The following ABTB2 variants were observed in gnomAD, a reference collection of about 807,000 sequenced individuals.
The protein encoded by ABTB2 is ankyrin repeat and BTB/POZ domain-containing protein 2.
ABTB2 carries 56 observed loss-of-function variants against 104.1 expected under a neutral mutation model. That is an observed-to-expected ratio of 0.54 (90% CI 0.43 to 0.67). The LOEUF (loss-of-function observed/expected upper bound fraction) is 0.67. Among genes scored for constraint, ABTB2 ranks in the 30% least tolerant of loss-of-function variants. The pLI is 0.00. For synonymous variants in ABTB2, 606 were observed against 608.2 expected, an observed-to-expected ratio of 1.00 and a Z score of 0.05; for missense variants, 1,279 against 1,407.7, an observed-to-expected ratio of 0.91 and a Z score of 1.46.
intron 1 of ABTB2, among the ~76,000 whole-genome samples, chr11:34,218,799 T>C (rs1014073460): frequency 7.5e-6 from 1 of 133,048 alleles, no homozygotes; most frequent in Admixed American, 9.4e-5. Context: ...TGAGCCAAGA[T>C]TGCACCATTG....
At position 34,357,270 on chromosome 11, in the gene ABTB2, G is replaced by A. The variant is rs1378155707; in HGVS notation, c.314C>T (p.Ala105Val). 2.0e-6 allele frequency: 3 copies of A among 1,498,430 alleles called. No individual in the cohort carries two copies. Among genetic ancestry groups the A allele is most frequent in the East Asian group, 5.0e-5 (2 of 39,668 alleles). 92.8% of individuals were successfully genotyped at this position (1,498,430 alleles called of 1,614,324 possible). A position where few individuals can be genotyped will look rare whatever the true frequency, so the allele number is the denominator to read the frequency against. ...GCCAGCGCCTTTGCGGAGCACCCGG[G>A]CCACGTCTCCTTCGGTCCAGGGGAA... Reference protein sequence around the residue: ...EEFPWTEGDVARVLRKGAGGR... With the variant: ...EEFPWTEGDVVRVLRKGAGGR... Residue 105 changes from alanine to valine, a missense_variant, in exon 1 of 17, where the codon GCC becomes GTC. Transcript: ENST00000435224.
chr11:34,276,130 G>A (rs1233443836), intron 1 of ABTB2, among the ~76,000 whole-genome samples: 1 of 151,968 alleles, frequency 6.6e-6, no homozygotes, highest in Non-Finnish European at 1.5e-5. Context: ...TTCTTAGGGG[G>A]GACTTCTAAT....
At chr11:34,253,239 A>C (rs1176199490) in intron 1 of ABTB2, among the ~76,000 whole-genome samples, 2 of 152,096 alleles carry the variant, frequency 1.3e-5, no homozygotes, top group African/African-American at 4.8e-5. Context: ...CAGAAGACAC[A>C]CTAGAGGCCT....
chr11:34,337,374 A>C (rs955175671), intron 1 of ABTB2, among the ~76,000 whole-genome samples: 7 of 152,210 alleles, frequency 4.6e-5, no homozygotes, highest in African/African-American at 1.2e-4. Flanking sequence ...GGGAAATAAC[A>C]AGGTTCTCAA....
chr11:34,226,097 G>A (rs1167581570), intron 1 of ABTB2, among the ~76,000 whole-genome samples: 2 of 151,566 alleles, frequency 1.3e-5, no homozygotes, highest in African/African-American at 4.9e-5. Context: ...AGATACTTGG[G>A]AGGCTGAGGT....
At chr11:34,298,401 T>A (rs759557118) in intron 1 of ABTB2, among the ~76,000 whole-genome samples, 1 of 150,028 alleles carries the variant, frequency 6.7e-6, no homozygotes, top group Non-Finnish European at 1.5e-5. Flanking sequence ...GGGTGAGGAA[T>A]GATCTTGTTT....
intron 1 of ABTB2, among the ~76,000 whole-genome samples, chr11:34,307,460 G>T (rs560218074): frequency 6.6e-6 from 1 of 152,190 alleles, no homozygotes; most frequent in Non-Finnish European, 1.5e-5. Context: ...CCAGCACTGA[G>T]CTCTTCAGCA....
At chr11:34,246,208 T>C (rs1260430724) in intron 1 of ABTB2, among the ~76,000 whole-genome samples, 1 of 152,238 alleles carries the variant, frequency 6.6e-6, no homozygotes, top group Non-Finnish European at 1.5e-5. Context: ...CAGGCAATTC[T>C]GTGGGTTTCC....
intron 12 of ABTB2, 55 bp from the exon 13 acceptor site, chr11:34,160,063 TG>T (rs1852687258): frequency 6.8e-7 from 1 of 1,464,140 alleles, no homozygotes; most frequent in African/African-American, 1.4e-5. Flanking sequence ...TGCTGGGGTT[TG>T]CTTGAGTGTG....
At chr11:34,173,905 C>T (rs1852922981) in intron 3 of ABTB2, among the ~76,000 whole-genome samples, 1 of 152,152 alleles carries the variant, frequency 6.6e-6, no homozygotes, top group African/African-American at 2.4e-5. Context: ...TGTCATGAGG[C>T]CAAATGGGAT....
intron 1 of ABTB2, among the ~76,000 whole-genome samples, chr11:34,230,118 C>T (rs1357894261): frequency 6.6e-6 from 1 of 152,202 alleles, no homozygotes; most frequent in Non-Finnish European, 1.5e-5. Context: ...GGAGGTGGCA[C>T]ACGCACTCAG....
Position 34,167,501 on chromosome 11 carries a change from CAA to C in ABTB2, c.1654-143_1654-142del, listed in dbSNP as rs538772795. 545 of 752,984 alleles carry C rather than the reference CAA, an allele frequency of 7.2e-4. 3 individuals carry two copies. The highest frequency in any genetic ancestry group is 3.0e-3 in the East Asian group (109 of 36,210). The allele number at this position is 752,984 out of a possible 1,614,324, so 46.6% of individuals were successfully genotyped here. On this transcript the variant is annotated intron_variant, in intron 6 of 16. Coordinates refer to ENST00000435224, the MANE Select transcript of ABTB2 (RefSeq NM_145804.3). Reference sequence around the variant, plus strand: ...CCTGGAGCACAAAGTGGACAAGGCTCAAAAAGAGAGGATAGGTATTTAATTAG... The same window carrying C: ...CCTGGAGCACAAAGTGGACAAGGCTCAAAGAGAGGATAGGTATTTAATTAG...
chr11:34,342,221 C>T (rs7928840), intron 1 of ABTB2, among the ~76,000 whole-genome samples: 15 of 152,282 alleles, frequency 9.9e-5, no homozygotes, highest in African/African-American at 2.4e-4. Context: ...GTGCTTCATA[C>T]GGTATTATCT....
At chr11:34,254,829 A>T (rs890037513) in intron 1 of ABTB2, among the ~76,000 whole-genome samples, 12 of 151,692 alleles carry the variant, frequency 7.9e-5, no homozygotes, top group Admixed American at 2.0e-4. Flanking sequence ...TTGCCACCAC[A>T]CCTGGCTAAT....
Position 34,154,667 on chromosome 11 carries a change from A to G in ABTB2, c.2766+34T>C, listed in dbSNP as rs2957525. The G allele has an allele frequency of 1, 1,610,560 of 1,611,524 alleles. 804,807 individuals are homozygous for G. Among genetic ancestry groups the G allele is most frequent in the East Asian group, 1 (44,846 of 44,846 alleles). On this transcript the variant is annotated intron_variant, in intron 15 of 16. Coordinates refer to ENST00000435224, the MANE Select transcript of ABTB2 (RefSeq NM_145804.3). The surrounding 1 kb of genome is among the most constrained non-coding windows in gnomAD (Gnocchi z 4.9). ...GGGAGACCGAGCCGCTGGGCACCCTAGCCCAGGCCCCCTCCCCCTCTCCCG... is the reference window on the plus strand; with the variant it reads ...GGGAGACCGAGCCGCTGGGCACCCTGGCCCAGGCCCCCTCCCCCTCTCCCG...
chr11:34,182,512 A>T (rs1344026211), intron 3 of ABTB2, among the ~76,000 whole-genome samples: 3 of 127,122 alleles, frequency 2.4e-5, no homozygotes, highest in African/African-American at 9.9e-5. Context: ...GGGGGGGGAA[A>T]TTCACTTTTC....
intron 1 of ABTB2, among the ~76,000 whole-genome samples, chr11:34,319,999 C>G (rs1854982261): frequency 6.6e-6 from 1 of 152,148 alleles, no homozygotes; most frequent in Non-Finnish European, 1.5e-5. Flanking sequence ...ATCCACCCAC[C>G]TTGGCCTTCC....
chr11:34,303,636 CTTTTTTTTTTTTTT>C (rs35677380), intron 1 of ABTB2, among the ~76,000 whole-genome samples: 7 of 79,088 alleles, frequency 8.9e-5, no homozygotes, highest in African/African-American at 3.8e-4. Context: ...ACTATGGGTG[CTTTTTTTTTTTTTT>C]TTTTTTTTTT....
rs1852587918 is a variant in ABTB2 at position 34,154,232 on chromosome 11, G to A, written c.2880+33C>T. On this transcript the variant is annotated intron_variant, in intron 16 of 16. Transcript: ENST00000435224. This position sits in a 1 kb window ranked among gnomAD's most constrained non-coding sequence, Gnocchi z 4.9. ...GCCCCCGTGGAGCAGAGCATGTGGT[G>A]GGAGGTGGCCAGCAGGCATCCTTGG... 4 of 1,534,670 alleles carry A rather than the reference G, an allele frequency of 2.6e-6. No individual in the cohort carries two copies. In the South Asian group the frequency reaches 3.4e-5, roughly 13 times the overall value.
Sources: gnomAD v4.1 joint callset for allele counts (sites outside exome capture counted in the v4.1 genomes callset) on GRCh38, gnomAD v4.1.1 for gene constraint, Gnocchi (gnomAD v3.1) non-coding constraint, MANE v1.5 for transcripts, NCBI Gene and HGNC (gene_info 2026-07-23, HGNC 2026-07-21) for gene names.